The following PARD3B variants were observed in gnomAD, a reference collection of about 807,000 sequenced individuals.
The protein encoded by PARD3B is partitioning defective 3 homolog B.
PARD3B carries 103 observed loss-of-function variants against 130.2 expected under a neutral mutation model. That is an observed-to-expected ratio of 0.79 (90% confidence interval 0.67 to 0.93). PARD3B has a LOEUF of 0.93. Among genes scored for constraint, PARD3B ranks in the 40% least tolerant of loss-of-function variants. PARD3B has a pLI of 0.00. For missense variants in PARD3B, 1,609 were observed against 1,499.2 expected, an observed-to-expected ratio of 1.07 and a Z score of -1.21; for synonymous variants, 583 against 553.2, an observed-to-expected ratio of 1.05 and a Z score of -0.76.
intron 1 of PARD3B, among the ~76,000 whole-genome samples, chr2:204,654,801 T>C (rs1056238612): frequency 6.6e-6 from 1 of 152,186 alleles, no homozygotes; most frequent in Non-Finnish European, 1.5e-5. Context: ...CTTTATTTTT[T>C]GTTTATTTCT....
intron 18 of PARD3B, among the ~76,000 whole-genome samples, chr2:205,354,592 A>G (rs1229341901): frequency 2.0e-5 from 3 of 152,176 alleles, no homozygotes; most frequent in South Asian, 2.1e-4. Flanking sequence ...TGTTGGGATT[A>G]TAAACATGTG....
intron 3 of PARD3B, among the ~76,000 whole-genome samples, chr2:204,997,081 C>T (rs140197971): frequency 6.6e-6 from 1 of 152,154 alleles, no homozygotes; most frequent in Non-Finnish European, 1.5e-5. Flanking sequence ...GGAGCTGTTC[C>T]TATTCGGCCA....
rs528231456 is a variant in PARD3B, at chr2:205,518,776, C to G, written c.3180+18745C>G. 5.9e-5 allele frequency among the ~76,000 whole-genome samples: 9 copies of G among 152,236 alleles called. No homozygotes were observed. In the East Asian group the frequency reaches 1.5e-3, roughly 26 times the overall value. On this transcript the variant is annotated intron_variant, in intron 21 of 22. Coordinates refer to ENST00000406610, the MANE Select transcript of PARD3B (RefSeq NM_001302769.2). ...AGATTTCTTGTAAGGCAGGTCTGGTCGTAGTGAATTCCCTCAACGTTTGCT... is the reference window on the plus strand; with the variant it reads ...AGATTTCTTGTAAGGCAGGTCTGGTGGTAGTGAATTCCCTCAACGTTTGCT...
chr2:205,095,791 TA>T (rs906079827), intron 4 of PARD3B, among the ~76,000 whole-genome samples: 1 of 152,054 alleles, frequency 6.6e-6, no homozygotes, highest in African/African-American at 2.4e-5. Flanking sequence ...CTCCAGCAGG[TA>T]AAGGGTATAA....
intron 20 of PARD3B, among the ~76,000 whole-genome samples, chr2:205,483,709 C>G (rs2049329115): frequency 6.6e-6 from 1 of 151,882 alleles, no homozygotes; most frequent in Non-Finnish European, 1.5e-5. Flanking sequence ...TTTAGAAGCT[C>G]TCTTAGATAT....
At chr2:205,609,941 T>C (rs2055171485) in intron 22 of PARD3B, among the ~76,000 whole-genome samples, 1 of 152,206 alleles carries the variant, frequency 6.6e-6, no homozygotes, top group Non-Finnish European at 1.5e-5. Flanking sequence ...TGTGCTCAGT[T>C]CTGTATTGCA....
intron 2 of PARD3B, among the ~76,000 whole-genome samples, chr2:204,870,913 A>T (rs2045604899): frequency 6.6e-6 from 1 of 152,164 alleles, no homozygotes; most frequent in African/African-American, 2.4e-5. Flanking sequence ...GAAATGTGGG[A>T]TTGCCTATTA....
chr2:205,513,777 G>A (rs1170930219), intron 21 of PARD3B, among the ~76,000 whole-genome samples: 1 of 152,026 alleles, frequency 6.6e-6, no homozygotes, highest in African/African-American at 2.4e-5. Context: ...CATGTCTGCT[G>A]GGAAAGGCAG....
At chr2:205,190,125 GTTACTGCATCGAGTGTCA>G (rs2036314435) in intron 14 of PARD3B, among the ~76,000 whole-genome samples, 1 of 152,204 alleles carries the variant, frequency 6.6e-6, no homozygotes, top group African/African-American at 2.4e-5. Context: ...CTAGCTTGAT[GTTACTGCATCGAGTGTCA>G]TTGCCACCTT....
intron 2 of PARD3B, among the ~76,000 whole-genome samples, chr2:204,864,537 C>A (rs75819743): frequency 2.5e-4 from 38 of 152,090 alleles, no homozygotes; most frequent in Non-Finnish European, 5.4e-4. Flanking sequence ...AAAGTGTCCA[C>A]GCAAAGTCCC....
intron 15 of PARD3B, among the ~76,000 whole-genome samples, chr2:205,232,960 AAT>A (rs1487748706): frequency 2.6e-5 from 4 of 152,204 alleles, no homozygotes; most frequent in African/African-American, 9.6e-5. Flanking sequence ...ACAGAGAAAA[AAT>A]ATCTGAGAAA....
chr2:204,832,756 T>C (rs1470163515), intron 2 of PARD3B, among the ~76,000 whole-genome samples: 1 of 152,196 alleles, frequency 6.6e-6, no homozygotes, highest in East Asian at 1.9e-4. Flanking sequence ...CTGGAAGTAT[T>C]GTGGGTTTTT....
intron 3 of PARD3B, among the ~76,000 whole-genome samples, chr2:204,983,290 T>C (rs773578270): frequency 7.9e-5 from 12 of 152,090 alleles, no homozygotes; most frequent in Admixed American, 2.6e-4. Context: ...TAAATATAGT[T>C]GTTAACTCTG....
intron 18 of PARD3B, among the ~76,000 whole-genome samples, chr2:205,381,221 T>TA (rs2045431411): frequency 8.5e-6 from 1 of 117,510 alleles, no homozygotes; most frequent in African/African-American, 3.6e-5. Context: ...AGAATATATA[T>TA]TATATATAAT....
intron 1 of PARD3B, among the ~76,000 whole-genome samples, chr2:204,615,200 CT>C (rs1235964240): frequency 1.3e-5 from 2 of 152,074 alleles, no homozygotes; most frequent in Non-Finnish European, 2.9e-5. Flanking sequence ...TTTTCATAGT[CT>C]TTTCAGATAA....
chr2:205,401,221 A>G (rs2106014284), intron 19 of PARD3B, 98 bp downstream of exon 19: 1 of 993,650 alleles, frequency 1.0e-6, no homozygotes, highest in Non-Finnish European at 1.5e-6. Context: ...CATTTTAAGA[A>G]GTATAGGGGT....
chr2:204,746,161 G>A (rs1339670532), intron 2 of PARD3B, among the ~76,000 whole-genome samples: 1 of 118,780 alleles, frequency 8.4e-6, no homozygotes, highest in African/African-American at 3.4e-5. Context: ...GCCCCAGTGT[G>A]TGATGTTCCC....
intron 2 of PARD3B, among the ~76,000 whole-genome samples, chr2:204,774,248 A>G (rs904707521): frequency 7.9e-5 from 12 of 151,876 alleles, no homozygotes; most frequent in African/African-American, 2.9e-4. Flanking sequence ...TCCTAACATT[A>G]TGTATTTCTT....
At chr2:204,801,400 T>C (rs1411402701) in intron 2 of PARD3B, among the ~76,000 whole-genome samples, 1 of 152,190 alleles carries the variant, frequency 6.6e-6, no homozygotes, top group Non-Finnish European at 1.5e-5. Flanking sequence ...TGAGCAGTGA[T>C]TTGTAGTTTT....
Sources: allele counts gnomAD v4.1 joint callset (sites outside exome capture counted in the v4.1 genomes callset), GRCh38; gene constraint gnomAD v4.1.1; transcripts MANE v1.5; gene names NCBI Gene and HGNC (gene_info 2026-07-23, HGNC 2026-07-21).